The following CHM variants were observed in gnomAD, a reference collection of about 807,000 sequenced individuals.
CHM encodes CHM Rab escort protein.
In CHM, 10 loss-of-function variants were observed where a neutral mutation model predicts 49.0. That is an observed-to-expected ratio of 0.20 (90% CI 0.13 to 0.35). CHM has a LOEUF of 0.35. CHM is among the 10% of genes least tolerant of loss of function. The probability of loss-of-function intolerance (pLI) is 1.00; values close to 1 mark genes in which losing one functional copy is unlikely to be tolerated. For missense variants in CHM, 455 were observed against 478.4 expected (o/e 0.95, Z 0.46); for synonymous variants, 184 against 167.5 (o/e 1.10, Z -0.76).
Position 86,047,513 on chromosome X carries a change from G to A in CHM, c.20C>T (p.Ser7Leu), listed in dbSNP as rs1357495676. ...CCCTATTACGATCACATCAAACTCC[G>A]AAGGGAGAGTATCCGCCATCTTGAC... MADTLP[S>L]EFDVIVIGTG... The change falls in exon 1 of 15, where the codon TCG (serine) becomes TTG (leucine). Residue 7 changes from serine to leucine, a missense_variant. Ser to Leu is a moderately radical substitution (Grantham distance 145, BLOSUM62 -2). Coordinates refer to ENST00000357749, the MANE Select transcript of CHM (RefSeq NM_000390.4). 15 of 1,206,293 alleles carry A rather than the reference G, an allele frequency of 1.2e-5. No individual in the cohort carries two copies. Among genetic ancestry groups the A allele is most frequent in the Middle Eastern group, 2.3e-4 (1 of 4,368 alleles).
chrX:86,002,896 T>C (rs1000239691), intron 2 of CHM, among the ~76,000 whole-genome samples: 19 of 112,003 alleles, frequency 1.7e-4, no homozygotes, highest in Non-Finnish European at 3.0e-4. Flanking sequence ...TCTCCCAACA[T>C]GGGGTTTGAG....
intron 3 of CHM, among the ~76,000 whole-genome samples, chrX:85,980,385 A>G (rs1931526425): frequency 8.9e-6 from 1 of 112,481 alleles, no homozygotes; most frequent in Admixed American, 9.4e-5. Context: ...ATGCTACTTT[A>G]CAAATACTGC....
At chrX:85,962,167 G>T (rs1172190207) in intron 5 of CHM, among the ~76,000 whole-genome samples, 1 of 112,368 alleles carries the variant, frequency 8.9e-6, no homozygotes, top group African/African-American at 3.2e-5. Context: ...AAGCCCATTT[G>T]TTATTTGACT....
At chrX:85,924,459 A>G (rs1047437637) in intron 8 of CHM, among the ~76,000 whole-genome samples, 55 of 111,888 alleles carry the variant, frequency 4.9e-4, no homozygotes, top group African/African-American at 1.6e-3. Context: ...CAAGCCTGGT[A>G]GTCTTCCTAT....
intron 8 of CHM, among the ~76,000 whole-genome samples, chrX:85,921,860 G>T (rs1927804614): frequency 8.9e-6 from 1 of 112,165 alleles, no homozygotes; most frequent in African/African-American, 3.2e-5. Context: ...GACCTGATTG[G>T]TGGCTGCCAG....
intron 13 of CHM, 34 bp from the exon 14 acceptor site, chrX:85,873,246 AAATAC>A: frequency 1.0e-6 from 1 of 1,001,932 alleles, no homozygotes; most frequent in Non-Finnish European, 1.4e-6. Flanking sequence ...TTACATTCTA[AAATAC>A]AATATGTTTG....
intron 8 of CHM, among the ~76,000 whole-genome samples, chrX:85,924,022 G>A (rs1486601127): frequency 8.9e-6 from 1 of 111,911 alleles, no homozygotes; most frequent in African/African-American, 3.3e-5. Context: ...GACGCATATA[G>A]TTGGGGGCCT....
chrX:85,967,632 A>C (rs767827991), intron 4 of CHM, among the ~76,000 whole-genome samples: 2 of 112,396 alleles, frequency 1.8e-5, no homozygotes, highest in South Asian at 3.7e-4. Context: ...ATTAGTTCTT[A>C]TAAAAATGTT....
chrX:85,891,121 C>A (rs1925422664), intron 12 of CHM, among the ~76,000 whole-genome samples: 1 of 111,901 alleles, frequency 8.9e-6, no homozygotes, highest in African/African-American at 3.3e-5. Flanking sequence ...TTCTAAACAG[C>A]AAAGCATTCA....
Position 85,863,134 on chromosome X carries a change from C to G in CHM, c.*1496G>C, listed in dbSNP as rs1429050173. On this transcript the variant is annotated 3_prime_UTR_variant, in exon 15 of 15. Coordinates refer to ENST00000357749, the MANE Select transcript of CHM (RefSeq NM_000390.4). ...GTGAGACAGAGTCTTGCTCTGTCAC[C>G]CAGGCTGGAGTGCAGTGGCAAAATC... The G allele has an allele frequency of 9.2e-6, 1 of 108,778 alleles. No homozygotes were observed. The highest frequency in any genetic ancestry group is 3.4e-5 in the African/African-American group (1 of 29,625). The allele number at this position is 108,778 out of a possible 1,213,427, so 9.0% of individuals were successfully genotyped here. A position where few individuals can be genotyped will look rare whatever the true frequency, so the allele number is the denominator to read the frequency against.
At chrX:86,041,358 C>A (rs1934449883) in intron 1 of CHM, among the ~76,000 whole-genome samples, 1 of 110,743 alleles carries the variant, frequency 9.0e-6, no homozygotes, top group African/African-American at 3.3e-5. Context: ...CATACTTTTC[C>A]ATCAATAAAT....
chrX:86,011,674 G>T (rs1351833590), intron 2 of CHM, among the ~76,000 whole-genome samples: 1 of 111,713 alleles, frequency 9.0e-6, no homozygotes, highest in Non-Finnish European at 1.9e-5. Flanking sequence ...TGGCAAAAAG[G>T]ATTTTGTTAA....
intron 2 of CHM, among the ~76,000 whole-genome samples, chrX:86,018,895 G>C (rs970162545): frequency 1.8e-5 from 2 of 112,150 alleles, no homozygotes; most frequent in African/African-American, 6.5e-5. Context: ...GAGTGGCAGA[G>C]GAGGGAGGTA....
At chrX:86,043,704 G>A (rs1934559975) in intron 1 of CHM, among the ~76,000 whole-genome samples, 1 of 110,015 alleles carries the variant, frequency 9.1e-6, no homozygotes, top group Non-Finnish European at 1.9e-5. Flanking sequence ...GGGATTACAG[G>A]CCTGAGCCAC....
At chrX:86,007,526 A>G (rs1314517496) in intron 2 of CHM, among the ~76,000 whole-genome samples, 1 of 111,716 alleles carries the variant, frequency 9.0e-6, no homozygotes, top group Admixed American at 9.5e-5. Flanking sequence ...CAAAGGGCTA[A>G]TATCCAGAAT....
chrX:85,873,015 A>T lies in CHM; in HGVS notation c.1770+37T>A, dbSNP rs765074925. The T allele has an allele frequency of 2.6e-6, 3 of 1,174,833 alleles. No homozygotes were observed. The African/African-American group carries it at 5.3e-5, about 21-fold the overall frequency. On this transcript the variant is annotated intron_variant, in intron 14 of 14. Coordinates refer to ENST00000357749, the MANE Select transcript of CHM (RefSeq NM_000390.4). ...AAAAATATTTCCCAACCACACCAACATCTTAATACAAAACTGAGAAACATC... is the reference window on the plus strand; with the variant it reads ...AAAAATATTTCCCAACCACACCAACTTCTTAATACAAAACTGAGAAACATC...
At chrX:86,012,272 T>C (rs1240147895) in intron 2 of CHM, among the ~76,000 whole-genome samples, 1 of 111,219 alleles carries the variant, frequency 9.0e-6, no homozygotes, top group East Asian at 2.8e-4. Flanking sequence ...AAAAACATTA[T>C]ATATGAGGAA....
At chrX:86,035,785 TCA>T (rs1314802173) in intron 1 of CHM, among the ~76,000 whole-genome samples, 1 of 106,214 alleles carries the variant, frequency 9.4e-6, no homozygotes, top group Non-Finnish European at 1.9e-5. Flanking sequence ...CGAAAAGAGT[TCA>T]TTTTTTTTTT....
intron 14 of CHM, 76 bp downstream of exon 14, chrX:85,872,973 TCTC>T (rs1924176157): frequency 4.0e-6 from 4 of 1,012,503 alleles, no homozygotes; most frequent in Non-Finnish European, 5.5e-6. Flanking sequence ...TTTCTAGACT[TCTC>T]TCCTCCCAGA....
Sources: allele counts gnomAD v4.1 joint callset (sites outside exome capture counted in the v4.1 genomes callset), GRCh38; gene constraint gnomAD v4.1.1; transcripts MANE v1.5; gene names NCBI Gene and HGNC (gene_info 2026-07-23, HGNC 2026-07-21).